The following KCNAB1 variants were observed in gnomAD, a reference collection of about 807,000 sequenced individuals.
The protein encoded by KCNAB1 is potassium voltage-gated channel subfamily A regulatory beta subunit 1, also known as voltage-gated potassium channel subunit beta-1.
Under a neutral mutation model 64.6 loss-of-function variants are expected in KCNAB1, and 35 were observed. That is an observed-to-expected ratio of 0.54 (90% CI 0.41 to 0.72). The LOEUF (loss-of-function observed/expected upper bound fraction) is 0.72, where lower values mean the gene tolerates loss of function less well. Among genes scored for constraint, KCNAB1 ranks in the 30% least tolerant of loss-of-function variants. The probability of loss-of-function intolerance (pLI) is 0.00; values close to 1 mark genes in which losing one functional copy is unlikely to be tolerated. For missense variants in KCNAB1, 401 were observed against 512.9 expected (o/e 0.78, Z 2.11); for synonymous variants, 177 against 183.8 (o/e 0.96, Z 0.30).
At chr3:156,447,911 C>G (rs961122999) in intron 2 of KCNAB1, among the ~76,000 whole-genome samples, 11 of 152,164 alleles carry the variant, frequency 7.2e-5, no homozygotes, top group African/African-American at 2.7e-4. Context: ...CTTTATACTC[C>G]AAGCAAGGCA....
intron 1 of KCNAB1, among the ~76,000 whole-genome samples, chr3:156,283,915 C>T (rs62286222): frequency 0.028 from 4,169 of 151,032 alleles, 218 homozygotes; most frequent in South Asian, 0.22. Context: ...GTTTGAATGT[C>T]CTCCCGTAGC....
chr3:156,142,996 G>A (rs2108281722), intron 1 of KCNAB1: 5 of 1,297,108 alleles, frequency 3.9e-6, no homozygotes, highest in East Asian at 3.0e-5. Flanking sequence ...ACAACCAACA[G>A]CTCTGTCGGG....
chr3:156,212,703 G>C (rs899757512), intron 1 of KCNAB1, among the ~76,000 whole-genome samples: 2 of 152,170 alleles, frequency 1.3e-5, no homozygotes, highest in Admixed American at 1.3e-4. Context: ...AAATCAGAAG[G>C]GTAGGCACAG....
intron 3 of KCNAB1, among the ~76,000 whole-genome samples, chr3:156,455,299 A>G: frequency 6.6e-6 from 1 of 152,252 alleles, no homozygotes. Context: ...GTGCTGAGTT[A>G]ATTGTTGATA....
chr3:156,118,857 G>A (rs573369598), upstream of KCNAB1, among the ~76,000 whole-genome samples: 15 of 152,308 alleles, frequency 9.8e-5, 1 homozygote, highest in East Asian at 2.5e-3. Context: ...GAGTCTAGTT[G>A]CTATGCATAT....
At chr3:156,525,230 A>C (rs1718232381) in intron 12 of KCNAB1, among the ~76,000 whole-genome samples, 1 of 152,174 alleles carries the variant, frequency 6.6e-6, no homozygotes, top group Non-Finnish European at 1.5e-5. Flanking sequence ...TTATTATCAC[A>C]GGAGATGACA....
At chr3:156,330,478 C>T (rs1191339833) in intron 1 of KCNAB1, among the ~76,000 whole-genome samples, 1 of 152,094 alleles carries the variant, frequency 6.6e-6, no homozygotes, top group Non-Finnish European at 1.5e-5. Context: ...TTTACAGCCA[C>T]AAGGGTATTT....
At chr3:156,370,816 G>A in intron 1 of KCNAB1, among the ~76,000 whole-genome samples, 1 of 152,204 alleles carries the variant, frequency 6.6e-6, no homozygotes, top group East Asian at 1.9e-4. Context: ...TCACATACAG[G>A]GGAGAGATTC....
At chr3:156,443,656 A>G (rs1398356656) in intron 2 of KCNAB1, among the ~76,000 whole-genome samples, 1 of 151,680 alleles carries the variant, frequency 6.6e-6, no homozygotes, top group East Asian at 1.9e-4. Context: ...TGTCTTTCTC[A>G]TTTGGCCATA....
chr3:156,451,069 C>T (rs1212653926), intron 2 of KCNAB1, among the ~76,000 whole-genome samples: 1 of 152,182 alleles, frequency 6.6e-6, no homozygotes, highest in Non-Finnish European at 1.5e-5. Flanking sequence ...GGGCACAGTC[C>T]TCTGATTTAG....
chr3:156,324,323 T>G (rs1046583692), intron 1 of KCNAB1, among the ~76,000 whole-genome samples: 5 of 152,212 alleles, frequency 3.3e-5, no homozygotes, highest in Non-Finnish European at 7.3e-5. Flanking sequence ...TATATTAGTC[T>G]ATATTACAAT....
chr3:156,306,109 A>T (rs1271378980), intron 1 of KCNAB1, among the ~76,000 whole-genome samples: 1 of 152,222 alleles, frequency 6.6e-6, no homozygotes, highest in Non-Finnish European at 1.5e-5. Flanking sequence ...GGGGCAAGTT[A>T]TTGATATTGA....
At chr3:156,192,995 G>T (rs1290979210) in intron 1 of KCNAB1, among the ~76,000 whole-genome samples, 3 of 151,924 alleles carry the variant, frequency 2.0e-5, no homozygotes, top group Non-Finnish European at 4.4e-5. Context: ...ACATTTCATT[G>T]TTTTTAATGT....
At chr3:156,407,378 C>T (rs1325896727) in intron 1 of KCNAB1, among the ~76,000 whole-genome samples, 1 of 152,174 alleles carries the variant, frequency 6.6e-6, no homozygotes, top group Non-Finnish European at 1.5e-5. Flanking sequence ...CTTTGCCTTT[C>T]TCCTGCATTT....
chr3:156,531,786 T>C (rs146026270), intron 13 of KCNAB1, among the ~76,000 whole-genome samples: 242 of 152,368 alleles, frequency 1.6e-3, no homozygotes, highest in Admixed American at 3.3e-3. Context: ...GCCGGCCTGA[T>C]AACTTGCTTG....
intron 1 of KCNAB1, among the ~76,000 whole-genome samples, chr3:156,147,662 G>A (rs953385337): frequency 1.3e-5 from 2 of 151,966 alleles, no homozygotes; most frequent in Non-Finnish European, 2.9e-5. Context: ...TTGAGCTGAC[G>A]GCAGGGAGAA....
chr3:156,509,449 C>T (rs1016885059), intron 8 of KCNAB1, among the ~76,000 whole-genome samples: 1 of 152,046 alleles, frequency 6.6e-6, no homozygotes, highest in African/African-American at 2.4e-5. Context: ...TAGACAAGCA[C>T]GTTGGTTCTA....
chr3:156,419,678 T>G (rs942634466), intron 1 of KCNAB1, among the ~76,000 whole-genome samples: 8 of 152,098 alleles, frequency 5.3e-5, no homozygotes, highest in African/African-American at 1.9e-4. Flanking sequence ...ACCTACAAAG[T>G]TATGCAAATA....
chr3:156,137,716 T>C (rs1232876013), intron 1 of KCNAB1, among the ~76,000 whole-genome samples: 15 of 150,774 alleles, frequency 9.9e-5, no homozygotes, highest in Non-Finnish European at 2.2e-4. Context: ...TGGCTAATTT[T>C]TTTTTTTTTT....
Sources: allele counts gnomAD v4.1 joint callset (sites outside exome capture counted in the v4.1 genomes callset), GRCh38; gene constraint gnomAD v4.1.1; transcripts MANE v1.5; gene names NCBI Gene and HGNC (gene_info 2026-07-23, HGNC 2026-07-21).